Variants in LRP1B observed in about 807,000 individuals in gnomAD.
The protein encoded by LRP1B is low-density lipoprotein receptor-related protein 1B.
LRP1B carries 217 observed loss-of-function variants against 556.6 expected under a neutral mutation model. That is an observed-to-expected ratio of 0.39 (90% CI 0.35 to 0.44). The LOEUF (loss-of-function observed/expected upper bound fraction) is 0.44. Among genes scored for constraint, LRP1B ranks in the 20% least tolerant of loss-of-function variants. The pLI is 1.00. For missense variants in LRP1B, 5,053 were observed against 5,620.8 expected (o/e 0.90, Z 3.23); for synonymous variants, 2,047 against 1,865.8 (o/e 1.10, Z -2.50).
chr2:141,434,567 T>C (rs1680683348), intron 3 of LRP1B, among the ~76,000 whole-genome samples: 2 of 152,188 alleles, frequency 1.3e-5, no homozygotes, highest in East Asian at 3.9e-4. Flanking sequence ...TTGAAGTCTG[T>C]TTCTAAATGT....
intron 7 of LRP1B, among the ~76,000 whole-genome samples, chr2:141,155,454 C>T (rs773607433): frequency 5.4e-4 from 79 of 147,024 alleles, no homozygotes; most frequent in Non-Finnish European, 1.1e-3. Context: ...TTCTAATTTC[C>T]ATTTTTATTT....
At chr2:140,311,700 C>G (rs1313692729) in intron 83 of LRP1B, among the ~76,000 whole-genome samples, 1 of 151,776 alleles carries the variant, frequency 6.6e-6, no homozygotes, top group Non-Finnish European at 1.5e-5. Flanking sequence ...GCAAGTAGAA[C>G]CAAATATCCA....
intron 32 of LRP1B, among the ~76,000 whole-genome samples, chr2:140,792,624 G>T (rs1439475938): frequency 6.6e-6 from 1 of 152,072 alleles, no homozygotes; most frequent in Non-Finnish European, 1.5e-5. Context: ...TTAGAAGATG[G>T]CAGTCATGAT....
At chr2:140,834,343 G>A (rs780814614) in intron 31 of LRP1B, among the ~76,000 whole-genome samples, 19 of 152,200 alleles carry the variant, frequency 1.2e-4, no homozygotes, top group Non-Finnish European at 2.5e-4. Context: ...GAGTTCAAGC[G>A]ATCCTCCTGC....
At chr2:141,292,930 T>C (rs146122681) in intron 3 of LRP1B, among the ~76,000 whole-genome samples, 11 of 152,204 alleles carry the variant, frequency 7.2e-5, no homozygotes, top group African/African-American at 2.7e-4. Context: ...CCTATTAGTT[T>C]ATCATAAAAA....
At chr2:140,939,545 G>A (rs1695331881) in intron 20 of LRP1B, among the ~76,000 whole-genome samples, 1 of 147,974 alleles carries the variant, frequency 6.8e-6, no homozygotes, top group Non-Finnish European at 1.5e-5. Flanking sequence ...AATTTAAATT[G>A]TAGGTCAATA....
chr2:141,349,152 T>A (rs996962768), intron 3 of LRP1B, among the ~76,000 whole-genome samples: 4 of 152,128 alleles, frequency 2.6e-5, no homozygotes, highest in African/African-American at 9.7e-5. Context: ...ATCCAGATCC[T>A]CTTATAATAA....
intron 25 of LRP1B, among the ~76,000 whole-genome samples, chr2:140,878,991 A>T: frequency 2.1e-4 from 1 of 4,822 alleles, no homozygotes. Flanking sequence ...TCTGTTTCCA[A>T]AAAAAAAAAA....
chr2:141,801,058 G>A (rs1382910070), intron 2 of LRP1B, among the ~76,000 whole-genome samples: 1 of 152,118 alleles, frequency 6.6e-6, no homozygotes, highest in African/African-American at 2.4e-5. Context: ...CCCTTGTGGA[G>A]AAAGAAACAT....
chr2:141,953,483 A>C (rs760924293), intron 1 of LRP1B, among the ~76,000 whole-genome samples: 1 of 152,080 alleles, frequency 6.6e-6, no homozygotes, highest in African/African-American at 2.4e-5. Flanking sequence ...ACTAAATAAC[A>C]AACACCCCTT....
rs115814361 is a variant in LRP1B, at chr2:142,099,334, T to C, written c.82+31314A>G. On this transcript the variant is annotated intron_variant, in intron 1 of 90. Transcript: ENST00000389484. ...TAATTGCAACAGTAGTTTAAAATGATGACCAGGAGGCAATAAATTTTCAAA... is the reference window on the plus strand; with the variant it reads ...TAATTGCAACAGTAGTTTAAAATGACGACCAGGAGGCAATAAATTTTCAAA... Among the ~76,000 whole-genome samples the C allele has an allele frequency of 6.4e-3, 966 of 152,040 alleles. 9 individuals are homozygous for C. The highest frequency in any genetic ancestry group is 0.01 in the Non-Finnish European group (679 of 67,888).
At chr2:140,980,523 A>G (rs1193065540) in intron 18 of LRP1B, among the ~76,000 whole-genome samples, 6 of 152,144 alleles carry the variant, frequency 3.9e-5, no homozygotes, top group Non-Finnish European at 8.8e-5. Flanking sequence ...CTTCTTTACT[A>G]TGTCAATTAC....
In LRP1B at chr2:141,779,263, A is replaced by G. The variant is rs569639525; in HGVS notation, c.205+31016T>C. ...TTCTAAAATTCCCTGTCTCCATGAA[A>G]TGCTTTCCTATTATGTGTCAGTCTC... On this transcript the variant is annotated intron_variant, in intron 2 of 90. Coordinates refer to ENST00000389484, the MANE Select transcript of LRP1B (RefSeq NM_018557.3). Among the ~76,000 whole-genome samples the G allele has an allele frequency of 1.1e-4, 16 of 152,202 alleles. No individual in the cohort carries two copies. The South Asian group carries it at 2.9e-3, about 28-fold the overall frequency.
At chr2:140,898,706 T>C in intron 23 of LRP1B, 1 of 496,240 alleles carries the variant, frequency 2.0e-6, no homozygotes, top group African/African-American at 1.9e-5. Flanking sequence ...TAAATGGCAG[T>C]CACCTGAGAG....
At chr2:140,335,880 G>T in intron 77 of LRP1B, 42 bp from the exon 78 acceptor site, 1 of 1,249,574 alleles carries the variant, frequency 8.0e-7, no homozygotes. Flanking sequence ...TTTTCAACAG[G>T]AAATTAGCGG....
chr2:141,067,853 A>G (rs1699520914), intron 7 of LRP1B, among the ~76,000 whole-genome samples: 1 of 151,934 alleles, frequency 6.6e-6, no homozygotes, highest in African/African-American at 2.4e-5. Flanking sequence ...ATCTGGTAGC[A>G]TGGGAGGGTG....
At chr2:140,672,586 G>T (rs1321580857) in intron 41 of LRP1B, among the ~76,000 whole-genome samples, 1 of 151,260 alleles carries the variant, frequency 6.6e-6, no homozygotes, top group African/African-American at 2.4e-5. Context: ...ATTCTCTGTG[G>T]CTCAAATATC....
intron 7 of LRP1B, among the ~76,000 whole-genome samples, chr2:141,145,918 C>CTTTCTTTTTTTTTTTTTTTTTTTT (rs1701772957): frequency 9.1e-6 from 1 of 110,170 alleles, no homozygotes; most frequent in African/African-American, 3.5e-5. Context: ...TTCTTTCTTT[C>CTTTCTTTTTTTTTTTTTTTTTTTT]TTTCTTTTTT....
intron 35 of LRP1B, among the ~76,000 whole-genome samples, chr2:140,720,374 C>T (rs1484651264): frequency 6.6e-6 from 1 of 151,876 alleles, no homozygotes; most frequent in Non-Finnish European, 1.5e-5. Context: ...AATTACATCT[C>T]TACAGATATA....
Sources: gnomAD v4.1 joint callset for allele counts (sites outside exome capture counted in the v4.1 genomes callset) on GRCh38, gnomAD v4.1.1 for gene constraint, MANE v1.5 for transcripts, NCBI Gene and HGNC (gene_info 2026-07-23, HGNC 2026-07-21) for gene names.